MTA1: variants seen among roughly 807,000 people sequenced by gnomAD.
The protein encoded by MTA1 is metastasis-associated protein MTA1.
Under a neutral mutation model 97.0 loss-of-function variants are expected in MTA1, and 15 were observed. The ratio of observed to expected loss-of-function variants is 0.15; its 90% CI spans 0.10 to 0.24. The LOEUF is 0.24. MTA1 is among the 10% of genes least tolerant of loss of function. The pLI is 1.00. For synonymous variants in MTA1, 435 were observed against 417.5 expected (o/e 1.04, Z -0.51); for missense variants, 709 against 1,015.1 (o/e 0.70, Z 4.10).
chr14:105,456,389 G>A (rs587740034), intron 7 of MTA1, among the ~76,000 whole-genome samples: 43 of 152,340 alleles, frequency 2.8e-4, no homozygotes, highest in African/African-American at 7.5e-4. Context: ...GAGACCTGGC[G>A]GAGCTCTGCA....
intron 1 of MTA1, among the ~76,000 whole-genome samples, chr14:105,423,319 A>G (rs587743459): frequency 1.4e-5 from 2 of 141,910 alleles, no homozygotes; most frequent in East Asian, 2.1e-4. Context: ...TCCCCGGCCC[A>G]AGCGATTTCC....
chr14:105,458,631 T>C (rs1165301561), intron 8 of MTA1, among the ~76,000 whole-genome samples: 1 of 152,060 alleles, frequency 6.6e-6, no homozygotes, highest in Non-Finnish European at 1.5e-5. Context: ...TAATGGGGCT[T>C]TCCCAGGATG....
At position 105,454,323 on chromosome 14, in the gene MTA1, G is replaced by T. The variant is rs782462530; in HGVS notation, c.550+13G>T. The T allele has an allele frequency of 6.3e-7, 1 of 1,588,480 alleles. No individual in the cohort carries two copies. The highest frequency in any genetic ancestry group is 8.6e-7 in the Non-Finnish European group (1 of 1,157,650). On this transcript the variant is annotated intron_variant, in intron 7 of 20. Transcript: ENST00000331320. Reference sequence around the variant, plus strand: ...TTGTTAAAAGAAGGTAGGGTGGGCCGCCCTGGGCATGGAGCCCTCTGTCCT... The same window carrying T: ...TTGTTAAAAGAAGGTAGGGTGGGCCTCCCTGGGCATGGAGCCCTCTGTCCT...
chr14:105,455,701 A>G (rs1241869544), intron 7 of MTA1, among the ~76,000 whole-genome samples: 2 of 152,220 alleles, frequency 1.3e-5, no homozygotes, highest in African/African-American at 4.8e-5. Context: ...TGCGTCTCAC[A>G]GGTGGCTGGG....
chr14:105,459,491 T>C lies in MTA1; in HGVS notation c.654-867T>C, dbSNP rs376551155. ...GAGCTGTGTGCCTGGGGGGAGTCCG[T>C]GCTGCCCGTGGCCCCTGGTCCCTGG... On this transcript the variant is annotated intron_variant, in intron 8 of 20. Transcript: ENST00000331320. 0.044 allele frequency among the ~76,000 whole-genome samples: 81 copies of C among 1,824 alleles called. 31 individuals are homozygous for C. In the Non-Finnish European group the frequency reaches 0.89, roughly 20 times the overall value. The allele number at this position is 1,824 out of a possible 152,430, so 1.2% of individuals were successfully genotyped here.
At chr14:105,441,712 T>TAA (rs2082530454) in intron 2 of MTA1, among the ~76,000 whole-genome samples, 2 of 152,052 alleles carry the variant, frequency 1.3e-5, no homozygotes. Flanking sequence ...GAGAATGGCG[T>TAA]GAACCCGGGA....
chr14:105,462,744 C>T lies in MTA1; in HGVS notation c.943-440C>T, dbSNP rs587625018. Among the ~76,000 whole-genome samples the T allele has an allele frequency of 2.6e-5, 4 of 152,164 alleles. No homozygotes were observed. In the South Asian group the frequency reaches 8.3e-4, roughly 32 times the overall value. ...ATTAGCCGGGTGTGTTGAGAGGTGCCTGTAGTCCCAGCTACTCAGGAGACA... is the reference window on the plus strand; with the variant it reads ...ATTAGCCGGGTGTGTTGAGAGGTGCTTGTAGTCCCAGCTACTCAGGAGACA... On this transcript the variant is annotated intron_variant, in intron 10 of 20. Transcript: ENST00000331320.
rs75183104 is a variant in MTA1 at position 105,429,279 on chromosome 14, C to T, written c.28+9216C>T. 7.9e-3 allele frequency among the ~76,000 whole-genome samples: 1,202 copies of T among 152,212 alleles called. 7 individuals carry two copies. Among genetic ancestry groups the T allele is most frequent in the Non-Finnish European group, 0.012 (841 of 68,008 alleles). The stretch of plus-strand genomic sequence containing the variant: ...AGCTGTCTTATCAGGCTTGTGTTCA[C>T]TGGAGCAGCACTTTTTGTTTTTTGG... On this transcript the variant is annotated intron_variant, in intron 1 of 20. Transcript: ENST00000331320.
At chr14:105,450,345 G>C in intron 6 of MTA1, 21 bp downstream of exon 6, 1 of 1,594,096 alleles carries the variant, frequency 6.3e-7, no homozygotes, top group Non-Finnish European at 8.6e-7. Flanking sequence ...GCCCGGCCTG[G>C]TCTGCCGCAG....
At chr14:105,426,154 G>A (rs1251088204) in intron 1 of MTA1, among the ~76,000 whole-genome samples, 1 of 152,138 alleles carries the variant, frequency 6.6e-6, no homozygotes, top group Admixed American at 6.5e-5. Context: ...AGATCTGTGC[G>A]GTTGGGGGAC....
chr14:105,422,884 C>T lies in MTA1; in HGVS notation c.28+2821C>T, dbSNP rs922753326. Among the ~76,000 whole-genome samples, 1 of 152,260 alleles carries T rather than the reference C, an allele frequency of 6.6e-6. No individual in the cohort carries two copies. The highest frequency in any genetic ancestry group is 3.4e-3 in the Middle Eastern group (1 of 294). ...CTTCTGTCTGTGCCTGTGAGGGCAG[C>T]GGATGGCCTGGGCAAGGGTGGCGGG... On this transcript the variant is annotated intron_variant, in intron 1 of 20. Transcript: ENST00000331320. This position sits in a 1 kb window ranked among gnomAD's most constrained non-coding sequence, Gnocchi z 4.3.
chr14:105,445,099 A>C (rs1040135345), intron 2 of MTA1, among the ~76,000 whole-genome samples: 3 of 152,158 alleles, frequency 2.0e-5, no homozygotes, highest in African/African-American at 4.8e-5. Context: ...CTGAGGTCCT[A>C]CCCAGTGTGG....
chr14:105,424,233 C>T lies in MTA1; in HGVS notation c.28+4170C>T, dbSNP rs1233095872. On this transcript the variant is annotated intron_variant, in intron 1 of 20. Transcript: ENST00000331320. This position sits in a 1 kb window ranked among gnomAD's most constrained non-coding sequence, Gnocchi z 4.0. Reference sequence around the variant, plus strand: ...TTTTTGAGACGGAGTCTCGCTCTGTCCCCCAGGCTGGAGTGCAGTAGCGCA... The same window carrying T: ...TTTTTGAGACGGAGTCTCGCTCTGTTCCCCAGGCTGGAGTGCAGTAGCGCA... Among the ~76,000 whole-genome samples the T allele has an allele frequency of 2.0e-5, 3 of 152,234 alleles. No individual in the cohort carries two copies. The highest frequency in any genetic ancestry group is 4.4e-5 in the Non-Finnish European group (3 of 68,036).
At chr14:105,456,175 G>A (rs2083144590) in intron 7 of MTA1, among the ~76,000 whole-genome samples, 1 of 152,250 alleles carries the variant, frequency 6.6e-6, no homozygotes, top group Non-Finnish European at 1.5e-5. Context: ...CAAAGGTGAA[G>A]GCCTGGCAGC....
chr14:105,463,262 A>AGCCC lies in MTA1; in HGVS notation c.1017+12_1017+15dup, dbSNP rs1555431479. On this transcript the variant is annotated splice_donor_region_variant and intron_variant, in intron 11 of 20. Transcript: ENST00000331320. This position sits in a 1 kb window ranked among gnomAD's most constrained non-coding sequence, Gnocchi z 5.9. ...CACCGACAGATACGTGCAGCAGGTG[A>AGCCC]GCCCGCCCGCCACTCAGTGCCCGGG... is the stretch of plus-strand genomic sequence containing the variant. 1 of 1,603,770 alleles carries AGCCC rather than the reference A, an allele frequency of 6.2e-7. No individual in the cohort carries two copies.
At chr14:105,433,149 G>A (rs1215036399) in intron 1 of MTA1, among the ~76,000 whole-genome samples, 2 of 152,204 alleles carry the variant, frequency 1.3e-5, no homozygotes, top group Admixed American at 6.5e-5. Flanking sequence ...CACAGGGGCC[G>A]GGCTCAGGAG....
intron 1 of MTA1, among the ~76,000 whole-genome samples, chr14:105,433,956 T>C (rs890151580): frequency 1.3e-5 from 2 of 152,150 alleles, no homozygotes; most frequent in Non-Finnish European, 2.9e-5. Flanking sequence ...GCCTCCCACG[T>C]AGCTGGGACT....
chr14:105,461,218 A>AT, intron 10 of MTA1, among the ~76,000 whole-genome samples: 1 of 152,266 alleles, frequency 6.6e-6, no homozygotes, highest in Middle Eastern at 3.4e-3. Context: ...CGTGATGAGG[A>AT]TAAGGGTTGG....
intron 2 of MTA1, among the ~76,000 whole-genome samples, chr14:105,438,957 C>T (rs1238081130): frequency 1.3e-5 from 2 of 152,160 alleles, no homozygotes; most frequent in African/African-American, 2.4e-5. Context: ...CAGGACCCAG[C>T]GCAGCTGCCC....
Sources: allele counts gnomAD v4.1 joint callset (sites outside exome capture counted in the v4.1 genomes callset), GRCh38; gene constraint gnomAD v4.1.1; non-coding constraint Gnocchi (gnomAD v3.1); transcripts MANE v1.5; gene names NCBI Gene and HGNC (gene_info 2026-07-23, HGNC 2026-07-21).